Variants in PRKCQ observed in about 807,000 individuals in gnomAD.
The protein encoded by PRKCQ is protein kinase C theta type.
Under a neutral mutation model 91.2 loss-of-function variants are expected in PRKCQ, and 41 were observed. The observed-to-expected ratio is 0.45, with a 90% CI of 0.35 to 0.58. The LOEUF (loss-of-function observed/expected upper bound fraction) is 0.58, where lower values mean the gene tolerates loss of function less well. PRKCQ is among the 20% of genes least tolerant of loss of function. PRKCQ has a pLI of 0.00. For synonymous variants in PRKCQ, 307 were observed against 316.9 expected (o/e 0.97, Z 0.33); for missense variants, 673 against 896.5 (o/e 0.75, Z 3.18).
intron 15 of PRKCQ, among the ~76,000 whole-genome samples, chr10:6,456,131 C>T (rs1015319692): frequency 1.3e-5 from 2 of 152,154 alleles, no homozygotes; most frequent in Non-Finnish European, 2.9e-5. Context: ...AATGTGACAG[C>T]AGTGTCTTCT....
At chr10:6,437,003 G>A (rs2132245672) in intron 16 of PRKCQ, among the ~76,000 whole-genome samples, 1 of 152,282 alleles carries the variant, frequency 6.6e-6, no homozygotes, top group South Asian at 2.1e-4. Context: ...GGTGTTGGGG[G>A]ATTGTGACTC....
chr10:6,469,417 T>C (rs1564326256), intron 12 of PRKCQ, among the ~76,000 whole-genome samples: 1 of 152,028 alleles, frequency 6.6e-6, no homozygotes, highest in Non-Finnish European at 1.5e-5. Context: ...AATTCCGAGG[T>C]CCTGGGGAGT....
At position 6,456,743 on chromosome 10, in the gene PRKCQ, G is replaced by T; in HGVS notation, c.1578C>A (p.Cys526Ter). 1 of 1,614,068 alleles carries T rather than the reference G, an allele frequency of 6.2e-7. No individual in the cohort carries two copies. Among genetic ancestry groups the T allele is most frequent in the Non-Finnish European group, 8.5e-7 (1 of 1,179,994 alleles). ...GHIKIADFGMCKENMLGDAKT... is the reference protein window; with the variant it reads ...GHIKIADFGM ...TGGCATCTCCTAACATGTTCTCCTTGCACATTCCAAAATCCGCGATCTTGA... is the reference window on the plus strand; with the variant it reads ...TGGCATCTCCTAACATGTTCTCCTTTCACATTCCAAAATCCGCGATCTTGA... Residue 526 changes from cysteine to a stop codon, truncating the protein, a stop_gained, in exon 15 of 18, where the codon TGC becomes TGA. Coordinates refer to ENST00000263125, the MANE Select transcript of PRKCQ (RefSeq NM_006257.5). LOFTEE classifies it high-confidence loss of function.
At chr10:6,490,322 G>A (rs773168477) in intron 8 of PRKCQ, among the ~76,000 whole-genome samples, 1 of 152,064 alleles carries the variant, frequency 6.6e-6, no homozygotes, top group Non-Finnish European at 1.5e-5. Context: ...CTTCCATCAC[G>A]TACCTCATTG....
intron 1 of PRKCQ, among the ~76,000 whole-genome samples, chr10:6,544,248 C>G (rs943906755): frequency 6.6e-6 from 1 of 152,126 alleles, no homozygotes; most frequent in Non-Finnish European, 1.5e-5. Context: ...TTCCCACTAC[C>G]TGACATCCAT....
At chr10:6,528,300 C>T (rs1010723803) in intron 1 of PRKCQ, among the ~76,000 whole-genome samples, 13 of 151,986 alleles carry the variant, frequency 8.6e-5, no homozygotes, top group Admixed American at 2.0e-4. Context: ...ATGAATAAAC[C>T]GTTCCCACCC....
intron 1 of PRKCQ, among the ~76,000 whole-genome samples, chr10:6,569,530 G>A (rs1410257020): frequency 6.6e-6 from 1 of 152,156 alleles, no homozygotes; most frequent in Non-Finnish European, 1.5e-5. Flanking sequence ...TAAGAGCAGG[G>A]AGTGGCACAC....
At chr10:6,481,949 T>C (rs1191591562) in intron 11 of PRKCQ, among the ~76,000 whole-genome samples, 1 of 152,224 alleles carries the variant, frequency 6.6e-6, no homozygotes, top group Non-Finnish European at 1.5e-5. Flanking sequence ...CACCGGTAGT[T>C]GGTTATAATT....
At chr10:6,579,184 G>C (rs12267257) in intron 1 of PRKCQ, among the ~76,000 whole-genome samples, 1 of 152,320 alleles carries the variant, frequency 6.6e-6, no homozygotes, top group African/African-American at 2.4e-5. Context: ...CAGCAGGCTT[G>C]AGGTGTGCTC....
intron 15 of PRKCQ, among the ~76,000 whole-genome samples, chr10:6,446,902 C>T (rs1834340286): frequency 6.6e-6 from 1 of 152,228 alleles, no homozygotes; most frequent in Non-Finnish European, 1.5e-5. Flanking sequence ...CTCATCTGTT[C>T]TCCTTCAGCC....
intron 1 of PRKCQ, among the ~76,000 whole-genome samples, chr10:6,559,486 GTA>G (rs1840541799): frequency 6.6e-6 from 1 of 152,142 alleles, no homozygotes; most frequent in South Asian, 2.1e-4. Context: ...AGCCTCCTGA[GTA>G]GCTGGGACTA....
chr10:6,505,581 C>A (rs983221049), intron 4 of PRKCQ, among the ~76,000 whole-genome samples: 7 of 146,434 alleles, frequency 4.8e-5, no homozygotes, highest in Non-Finnish European at 7.5e-5. Flanking sequence ...CCCCTTCCTT[C>A]CTTCCTTCCT....
rs1027211816 is a variant in PRKCQ, at chr10:6,517,603, T to G, written c.-9-2459A>C. Among the ~76,000 whole-genome samples, 1,396 of 143,152 alleles carry G rather than the reference T, an allele frequency of 9.8e-3. 56 individuals carry two copies. The highest frequency in any genetic ancestry group is 0.034 in the African/African-American group (1,314 of 38,844). The allele number at this position is 143,152 out of a possible 152,430, so 93.9% of individuals were successfully genotyped here. A position where few individuals can be genotyped will look rare whatever the true frequency, so the allele number is the denominator to read the frequency against. ...AAGATAGCATCTTTTTTTTTTTTTT[T>G]TTTTTTTTTTTTTTTTTTTACAACC... On this transcript the variant is annotated intron_variant, in intron 1 of 17. Transcript: ENST00000263125.
At chr10:6,416,705 T>G in the PRKCQ span, among the ~76,000 whole-genome samples, 19 of 152,190 alleles carry the variant, frequency 1.2e-4, no homozygotes, top group Non-Finnish European at 2.5e-4. Context: ...ATAGAAGGAC[T>G]TTTTTTCCCT....
the PRKCQ span, among the ~76,000 whole-genome samples, chr10:6,398,293 G>A: frequency 6.6e-6 from 1 of 152,160 alleles, no homozygotes; most frequent in Non-Finnish European, 1.5e-5. Flanking sequence ...TCACTGTGTA[G>A]TAAGTTTTGA....
chr10:6,447,147 A>G (rs655732), intron 15 of PRKCQ, among the ~76,000 whole-genome samples: 122,439 of 152,068 alleles, frequency 0.81, 49,404 homozygotes, highest in East Asian at 0.94. Flanking sequence ...AGTGGCTCAC[A>G]CCTGTAATCC....
chr10:6,517,963 G>T (rs1371704541), intron 1 of PRKCQ, among the ~76,000 whole-genome samples: 1 of 152,174 alleles, frequency 6.6e-6, no homozygotes, highest in Non-Finnish European at 1.5e-5. Context: ...AAGACATGCA[G>T]AATAAGATAC....
At chr10:6,515,326 A>C (rs1838706820) in intron 1 of PRKCQ, 182 bp from the exon 2 acceptor site, 2 of 1,491,500 alleles carry the variant, frequency 1.3e-6, no homozygotes, top group Non-Finnish European at 1.8e-6. Context: ...CTCACCCAAA[A>C]CCACACACTG....
chr10:6,514,982 C>T (rs1838679146), intron 2 of PRKCQ, 36 bp downstream of exon 2: 2 of 1,611,832 alleles, frequency 1.2e-6, no homozygotes, highest in Non-Finnish European at 1.7e-6. Flanking sequence ...GGATTCTCCT[C>T]CTCCTCCCCC....
Sources: gnomAD v4.1 joint callset for allele counts (sites outside exome capture counted in the v4.1 genomes callset) on GRCh38, gnomAD v4.1.1 for gene constraint, MANE v1.5 for transcripts, NCBI Gene and HGNC (gene_info 2026-07-23, HGNC 2026-07-21) for gene names.